The following CAMTA2 variants were observed in gnomAD, a reference collection of about 807,000 sequenced individuals.
CAMTA2 encodes the protein calmodulin-binding transcription activator 2.
Under a neutral mutation model 135.7 loss-of-function variants are expected in CAMTA2, and 56 were observed. That is an observed-to-expected ratio of 0.41 (90% CI 0.33 to 0.52). The LOEUF (loss-of-function observed/expected upper bound fraction) is 0.52, where lower values mean the gene tolerates loss of function less well. Among genes scored for constraint, CAMTA2 ranks in the 20% least tolerant of loss-of-function variants. The pLI is 0.16. For synonymous variants in CAMTA2, 591 were observed against 604.6 expected (o/e 0.98, Z 0.33); for missense variants, 1,358 against 1,553.4 (o/e 0.87, Z 2.11).
chr17:4,982,355 C>T (rs1973009098), intron 5 of CAMTA2, 195 bp from the exon 6 acceptor site: 1 of 604,460 alleles, frequency 1.7e-6, no homozygotes, highest in Admixed American at 2.9e-5. Context: ...GGGCTGGGGC[C>T]TTATAGTGAG....
chr17:4,969,243 C>G lies in CAMTA2; in HGVS notation c.3377G>C (p.Arg1126Pro). The G allele has an allele frequency of 1.2e-6, 2 of 1,613,678 alleles. No individual in the cohort carries two copies. The highest frequency in any genetic ancestry group is 1.7e-6 in the Non-Finnish European group (2 of 1,179,968). The change falls in exon 21 of 23, where the codon CGA becomes CCA. Residue 1126 changes from arginine to proline, a missense_variant. This residue lies in a region of CAMTA2 where 167 missense variants were observed against 207.0 expected (regional missense o/e 0.81). Transcript: ENST00000348066. The surrounding 1 kb of genome is among the most constrained non-coding windows in gnomAD (Gnocchi z 5.6). ...GTGCTGCTGGATGAGCACAGCCGCT[C>G]GGCGGCTCTGCTGAAATCGCTTCTG... ...YEQKRFQQSRRAAVLIQQHYR... is the reference protein window; with the variant it reads ...YEQKRFQQSRPAAVLIQQHYR...
Position 4,968,077 on chromosome 17 carries a change from C to A in CAMTA2, c.*679G>T. On this transcript the variant is annotated 3_prime_UTR_variant, in exon 23 of 23. Transcript: ENST00000348066. ...AAGTGCCCGTGGAGCCGGCAGGAGGCCCCCGCCGCGCTAGAGAACCACAAG... is the reference window on the plus strand; with the variant it reads ...AAGTGCCCGTGGAGCCGGCAGGAGGACCCCGCCGCGCTAGAGAACCACAAG... 1 of 503,450 alleles carries A rather than the reference C, an allele frequency of 2.0e-6. No individual in the cohort carries two copies. Among genetic ancestry groups the A allele is most frequent in the Admixed American group, 3.7e-5 (1 of 26,860 alleles). 31.2% of individuals were successfully genotyped at this position (503,450 alleles called of 1,614,324 possible).
intron 1 of CAMTA2, chr17:4,987,360 G>C (rs1973420948): frequency 4.4e-6 from 6 of 1,361,398 alleles, no homozygotes; most frequent in Non-Finnish European, 4.7e-6. Flanking sequence ...GAGGGACAGT[G>C]CAGGTGCCGG....
chr17:4,977,270 T>C, intron 10 of CAMTA2, 78 bp from the exon 11 acceptor site: 4 of 1,552,266 alleles, frequency 2.6e-6, no homozygotes, highest in Non-Finnish European at 3.5e-6. Flanking sequence ...CCACAGACAA[T>C]TATTCCATAG....
chr17:4,977,811 G>C (rs977856301), intron 10 of CAMTA2, among the ~76,000 whole-genome samples: 10 of 152,204 alleles, frequency 6.6e-5, no homozygotes, highest in African/African-American at 2.4e-4. Context: ...TTTGAGTGTA[G>C]GGTAAGGGCA....
At chr17:4,983,586 T>TC (rs1402645012) in intron 3 of CAMTA2, 1 of 121,160 alleles carries the variant, frequency 8.3e-6, no homozygotes, top group Admixed American at 8.5e-5. Flanking sequence ...TGCCCAGACT[T>TC]TTTTTTTTTT....
rs1405223397 is a variant in CAMTA2 at position 4,972,399 on chromosome 17, G to A, written c.2641C>T (p.Pro881Ser). The change falls in exon 16 of 23, where the codon CCA (proline) becomes TCA (serine). Residue 881 changes from proline to serine, a missense_variant. By Grantham distance (74) the Pro-to-Ser change is moderately conservative (BLOSUM62 -1). Transcript: ENST00000348066. ...ASEMTMEDMA[P>S]GQLSSGVPEA... ...GGGACACCAGAGGAAAGCTGGCCTGGGGCCATGTCCTCCATAGTCATCTCA... is the reference window on the plus strand; with the variant it reads ...GGGACACCAGAGGAAAGCTGGCCTGAGGCCATGTCCTCCATAGTCATCTCA... 1.9e-6 allele frequency: 3 copies of A among 1,614,130 alleles called. No homozygotes were observed. The highest frequency in any genetic ancestry group is 2.2e-5 in the South Asian group (2 of 91,088).
chr17:4,975,414 AAGAC>A (rs900619552), intron 11 of CAMTA2, among the ~76,000 whole-genome samples: 17 of 152,160 alleles, frequency 1.1e-4, no homozygotes, highest in Admixed American at 5.9e-4. Context: ...AGGACGATAA[AAGAC>A]AGGCAAGTTA....
rs373647680 is a variant in CAMTA2 at position 4,968,894 on chromosome 17, A to G, written c.3545+13T>C. On this transcript the variant is annotated intron_variant, in intron 22 of 22. Transcript: ENST00000348066. ...TGGCAACGCAAAAGCCCAGGGGGAG[A>G]AGGGATGAGTACCTGTGTCGGCAGC... 3.2e-5 allele frequency: 52 copies of G among 1,613,806 alleles called. No homozygotes were observed. The African/African-American group carries it at 6.4e-4, about 20-fold the overall frequency.
chr17:4,986,406 A>G, intron 1 of CAMTA2, 120 bp from the exon 2 acceptor site: 3 of 601,586 alleles, frequency 5.0e-6, no homozygotes, highest in Non-Finnish European at 8.8e-6. Context: ...GAGGAAAGGG[A>G]GGGAGGGGCT....
chr17:4,979,061 C>T (rs1026674335), intron 9 of CAMTA2, among the ~76,000 whole-genome samples: 1 of 152,196 alleles, frequency 6.6e-6, no homozygotes, highest in African/African-American at 2.4e-5. Flanking sequence ...CCAGGCTGCA[C>T]AGCCCCAATT....
intron 11 of CAMTA2, among the ~76,000 whole-genome samples, chr17:4,975,636 T>C (rs908134434): frequency 6.6e-5 from 10 of 152,020 alleles, no homozygotes; most frequent in African/African-American, 2.4e-4. Context: ...ACTCGGGCTT[T>C]GTGTGGGGTC....
intron 3 of CAMTA2, 24 bp downstream of exon 3, chr17:4,985,856 C>G: frequency 1.3e-6 from 2 of 1,546,416 alleles, no homozygotes; most frequent in Non-Finnish European, 1.8e-6. Context: ...TGCTGGGCCC[C>G]AACCCCCAGC....
Position 4,986,177 on chromosome 17 carries a change from G to A in CAMTA2, c.31+15C>T, listed in dbSNP as rs748755385. On this transcript the variant is annotated intron_variant, in intron 2 of 22. Transcript: ENST00000348066. ...AAGGCTGTGGCCACATTGGGAACCT[G>A]GTTTGTGAACTTACCAGCAACCTCG... The A allele has an allele frequency of 6.6e-7, 1 of 1,517,570 alleles. No homozygotes were observed. The highest frequency in any genetic ancestry group is 1.7e-5 in the Admixed American group (1 of 59,910). 94.0% of individuals were successfully genotyped at this position (1,517,570 alleles called of 1,614,324 possible).
intron 12 of CAMTA2, 76 bp downstream of exon 12, chr17:4,974,309 G>A (rs1005162752): frequency 2.2e-6 from 2 of 911,420 alleles, no homozygotes; most frequent in East Asian, 2.4e-5. Flanking sequence ...GGAGAGTCAT[G>A]GGCACTAGAT....
chr17:4,974,426 C>A lies in CAMTA2; in HGVS notation c.1975G>T (p.Gly659Trp). The A allele has an allele frequency of 1.2e-6, 2 of 1,613,934 alleles. No individual in the cohort carries two copies. Among genetic ancestry groups the A allele is most frequent in the Non-Finnish European group, 1.7e-6 (2 of 1,179,856 alleles). The change falls in exon 12 of 23, where the codon GGG becomes TGG. Residue 659 changes from glycine to tryptophan, a missense_variant. By Grantham distance (184) the Gly-to-Trp change is radical. Transcript: ENST00000348066. ...TCAGGACCCTGGCAAGGCACCTGCC[C>A]AGCTGCTGCGATCTCTGCCATCCGC... ...EKRMAEIAAA[G>W]QVPCQGPDAP...
At chr17:4,982,337 G>A in intron 5 of CAMTA2, 177 bp from the exon 6 acceptor site, 2 of 620,942 alleles carry the variant, frequency 3.2e-6, no homozygotes, top group South Asian at 3.6e-5. Flanking sequence ...AGTCATAGAT[G>A]AGCAGTGGGG....
Position 4,968,148 on chromosome 17 carries a change from C to T in CAMTA2, c.*608G>A, listed in dbSNP as rs1972028282. The T allele has an allele frequency of 2.5e-6, 1 of 393,434 alleles. No individual in the cohort carries two copies. The highest frequency in any genetic ancestry group is 2.8e-5 in the South Asian group (1 of 36,338). The allele number at this position is 393,434 out of a possible 1,614,324, so 24.4% of individuals were successfully genotyped here. Reference sequence around the variant, plus strand: ...CGCGGCGCCTTAAATAGATTCTTCACTATACTCTGTATGTTACAGTATGTA... The same window carrying T: ...CGCGGCGCCTTAAATAGATTCTTCATTATACTCTGTATGTTACAGTATGTA... On this transcript the variant is annotated 3_prime_UTR_variant, in exon 23 of 23. Transcript: ENST00000348066.
intron 11 of CAMTA2, among the ~76,000 whole-genome samples, chr17:4,976,578 G>A (rs1316241134): frequency 6.6e-6 from 1 of 152,046 alleles, no homozygotes; most frequent in Non-Finnish European, 1.5e-5. Context: ...GCAGGCACCT[G>A]TAATCCCAGC....
Sources: allele counts gnomAD v4.1 joint callset (sites outside exome capture counted in the v4.1 genomes callset), GRCh38; gene constraint gnomAD v4.1.1; regional missense constraint gnomAD v4.1.1; non-coding constraint Gnocchi (gnomAD v3.1); transcripts MANE v1.5; gene names NCBI Gene and HGNC (gene_info 2026-07-23, HGNC 2026-07-21).